Variants in CCDC88A observed in about 807,000 individuals in gnomAD.
The protein encoded by CCDC88A is girdin.
Under a neutral mutation model 234.3 loss-of-function variants are expected in CCDC88A, and 54 were observed. The ratio of observed to expected loss-of-function variants is 0.23; its 90% CI spans 0.19 to 0.29. CCDC88A has a LOEUF of 0.29. CCDC88A is among the 10% of genes least tolerant of loss of function. The probability of loss-of-function intolerance (pLI) is 1.00; values close to 1 mark genes in which losing one functional copy is unlikely to be tolerated. For synonymous variants in CCDC88A, 753 were observed against 737.8 expected (o/e 1.02, Z -0.33); for missense variants, 1,832 against 2,123.4 (o/e 0.86, Z 2.70).
At chr2:55,407,873 A>G (rs1349637635) in intron 2 of CCDC88A, among the ~76,000 whole-genome samples, 1 of 148,108 alleles carries the variant, frequency 6.8e-6, no homozygotes, top group Non-Finnish European at 1.5e-5. Flanking sequence ...ACCCACCACC[A>G]TGCCCAGCTA....
At position 55,367,528 on chromosome 2, in the gene CCDC88A, G is replaced by GTTTTTTTTTTTTTTTTTTTTTTTT; in HGVS notation, c.403-3496_403-3495insAAAAAAAAAAAAAAAAAAAAAAAA. 4.4e-3 allele frequency among the ~76,000 whole-genome samples: 435 copies of GTTTTTTTTTTTTTTTTTTTTTTTT among 99,808 alleles called. 48 individuals carry two copies. The highest frequency in any genetic ancestry group is 8.7e-3 in the East Asian group (36 of 4,160). The allele number at this position is 99,808 out of a possible 152,430, so 65.5% of individuals were successfully genotyped here. On this transcript the variant is annotated intron_variant, in intron 5 of 32. Transcript: ENST00000436346. ...TTGCTAGAAATTGTTTTATTTCCTT[G>GTTTTTTTTTTTTTTTTTTTTTTTT]TTTTTTTTTAAGAGACTGGGTCTTG...
chr2:55,320,617 G>GTA (rs1447701479), intron 18 of CCDC88A, among the ~76,000 whole-genome samples: 4 of 152,092 alleles, frequency 2.6e-5, no homozygotes, highest in South Asian at 2.1e-4. Flanking sequence ...AGCAATATAG[G>GTA]TATATATATC....
chr2:55,339,009 T>C (rs1172957497), intron 13 of CCDC88A: 1 of 151,714 alleles, frequency 6.6e-6, no homozygotes, highest in Non-Finnish European at 1.5e-5. Flanking sequence ...CAGACTGGAG[T>C]GCAGTGGCGT....
At chr2:55,369,196 G>A (rs932520962) in intron 5 of CCDC88A, among the ~76,000 whole-genome samples, 5 of 151,736 alleles carry the variant, frequency 3.3e-5, no homozygotes, top group South Asian at 2.1e-4. Context: ...TACCACACCC[G>A]GCTAATTTTT....
chr2:55,301,538 G>C, intron 27 of CCDC88A: 2 of 493,588 alleles, frequency 4.1e-6, no homozygotes, highest in South Asian at 5.9e-5. Flanking sequence ...CAAGAGCCTG[G>C]GTTGTTCTAG....
At chr2:55,349,423 C>T in intron 9 of CCDC88A, 95 bp downstream of exon 9, 2 of 881,086 alleles carry the variant, frequency 2.3e-6, no homozygotes, top group Non-Finnish European at 3.6e-6. Flanking sequence ...CTTTTATTTA[C>T]ATAAAGCATT....
Position 55,388,899 on chromosome 2 carries a change from C to T in CCDC88A, c.165-13G>A, listed in dbSNP as rs761140920. On this transcript the variant is annotated splice_polypyrimidine_tract_variant and intron_variant, in intron 2 of 32. Transcript: ENST00000436346. The stretch of plus-strand genomic sequence containing the variant: ...CAATTTAGGATTACTGTAAGAAATA[C>T]AAAAATACTTTAAAATTACATAAAA... 2.1e-6 allele frequency: 2 copies of T among 938,700 alleles called. No individual in the cohort carries two copies. Among genetic ancestry groups the T allele is most frequent in the Non-Finnish European group, 3.2e-6 (2 of 615,680 alleles). 58.1% of individuals were successfully genotyped at this position (938,700 alleles called of 1,614,324 possible).
At chr2:55,377,350 G>T (rs1388771250) in intron 3 of CCDC88A, among the ~76,000 whole-genome samples, 2 of 151,382 alleles carry the variant, frequency 1.3e-5, no homozygotes, top group East Asian at 3.9e-4. Flanking sequence ...TAGAGACAAG[G>T]TCTCGCTATG....
At chr2:55,296,077 A>T in intron 30 of CCDC88A, 21 bp from the exon 31 acceptor site, 2 of 1,542,480 alleles carry the variant, frequency 1.3e-6, no homozygotes, top group Non-Finnish European at 1.8e-6. Flanking sequence ...AAAAATTCAA[A>T]GCAGATTAGT....
At chr2:55,295,376 T>G in intron 31 of CCDC88A, 1 of 1,540,102 alleles carries the variant, frequency 6.5e-7, no homozygotes, top group Non-Finnish European at 8.8e-7. Flanking sequence ...CAGTAAATGG[T>G]CCTATGCTAT....
intron 2 of CCDC88A, among the ~76,000 whole-genome samples, chr2:55,414,898 T>C (rs1182727607): frequency 6.6e-6 from 1 of 151,656 alleles, no homozygotes; most frequent in Non-Finnish European, 1.5e-5. Flanking sequence ...ACCCCGTCTC[T>C]ACTAAAAAAA....
intron 2 of CCDC88A, among the ~76,000 whole-genome samples, chr2:55,411,136 C>T (rs547719036): frequency 6.6e-6 from 1 of 152,150 alleles, no homozygotes; most frequent in Non-Finnish European, 1.5e-5. Context: ...TGTCCCAGTA[C>T]CAAGTATAAT....
At chr2:55,409,865 C>T (rs894709323) in intron 2 of CCDC88A, among the ~76,000 whole-genome samples, 1 of 151,196 alleles carries the variant, frequency 6.6e-6, no homozygotes, top group Non-Finnish European at 1.5e-5. Flanking sequence ...CTCAGCCTCC[C>T]GAGTAGCTGG....
chr2:55,291,808 C>T, intron 31 of CCDC88A, 33 bp from the exon 32 acceptor site: 1 of 1,536,698 alleles, frequency 6.5e-7, no homozygotes, highest in Non-Finnish European at 9.0e-7. Flanking sequence ...GTTATTTAGT[C>T]AAAGATGAAA....
At chr2:55,298,317 A>G (rs1245802102) in intron 29 of CCDC88A, among the ~76,000 whole-genome samples, 1 of 147,882 alleles carries the variant, frequency 6.8e-6, no homozygotes, top group East Asian at 2.0e-4. Context: ...TTCAGACTAC[A>G]TTTTTCTACT....
intron 7 of CCDC88A, among the ~76,000 whole-genome samples, chr2:55,361,325 T>C (rs1671282495): frequency 6.6e-6 from 1 of 152,182 alleles, no homozygotes. Flanking sequence ...ATAAATTTGA[T>C]GCATAGTAGG....
At chr2:55,359,511 T>G (rs3099082) in intron 7 of CCDC88A, among the ~76,000 whole-genome samples, 71,614 of 151,414 alleles carry the variant, frequency 0.47, 17,998 homozygotes, top group East Asian at 0.85. Flanking sequence ...ATAGTCTGAC[T>G]CAAAAACAAA....
At chr2:55,315,845 G>T in intron 22 of CCDC88A, 83 bp downstream of exon 22, 1 of 746,424 alleles carries the variant, frequency 1.3e-6, no homozygotes, top group Non-Finnish European at 2.1e-6. Context: ...TACTAGTATT[G>T]TCATTGTAAT....
chr2:55,369,726 C>T (rs537177581), intron 5 of CCDC88A, among the ~76,000 whole-genome samples: 2 of 152,216 alleles, frequency 1.3e-5, no homozygotes, highest in African/African-American at 4.8e-5. Flanking sequence ...GGCCCAACCA[C>T]ACTTCATGTT....
Sources: gnomAD v4.1 joint callset for allele counts (sites outside exome capture counted in the v4.1 genomes callset) on GRCh38, gnomAD v4.1.1 for gene constraint, MANE v1.5 for transcripts, NCBI Gene and HGNC (gene_info 2026-07-23, HGNC 2026-07-21) for gene names.